The following ERC2 variants were observed in gnomAD, a reference collection of about 807,000 sequenced individuals.
The protein encoded by ERC2 is ERC protein 2.
A neutral mutation model predicts 114.8 loss-of-function variants in ERC2; 42 were observed. That is an observed-to-expected ratio of 0.37 (90% CI 0.29 to 0.47). ERC2 has a LOEUF of 0.47. Ranked by LOEUF, ERC2 falls within the 20% of genes least tolerant of loss-of-function variation. The pLI, the probability that ERC2 is intolerant of heterozygous loss-of-function variation, is 0.99. For missense variants in ERC2, 939 were observed against 1,150.7 expected (o/e 0.82, Z 2.66); for synonymous variants, 454 against 425.5 (o/e 1.07, Z -0.82).
chr3:56,192,664 A>C (rs1490681824), intron 3 of ERC2, among the ~76,000 whole-genome samples: 6 of 152,302 alleles, frequency 3.9e-5, no homozygotes, highest in Admixed American at 3.9e-4. Flanking sequence ...GCTGGGACCC[A>C]GGCAGGAGTG....
Position 56,174,396 on chromosome 3 carries a change from G to A in ERC2, c.1075-876C>T, listed in dbSNP as rs960190991. 2.6e-5 allele frequency among the ~76,000 whole-genome samples: 4 copies of A among 152,200 alleles called. No homozygotes were observed. In the East Asian group the frequency reaches 7.7e-4, roughly 29 times the overall value. ...CTTAACTATCAACAGTTTTAGGAGA[G>A]TGAGCAATGGCAGGAGTAATCAAAA... On this transcript the variant is annotated intron_variant, in intron 3 of 17. Transcript: ENST00000288221.
At chr3:55,734,988 G>A (rs138872625) in intron 14 of ERC2, 70 bp from the exon 15 acceptor site, 1 of 1,419,380 alleles carries the variant, frequency 7.0e-7, no homozygotes, top group African/African-American at 1.4e-5. Context: ...GGCATTTATA[G>A]TTGAAATGAA....
At chr3:55,524,306 G>A (rs2053162835) in intron 17 of ERC2, among the ~76,000 whole-genome samples, 1 of 152,128 alleles carries the variant, frequency 6.6e-6, no homozygotes, top group South Asian at 2.1e-4. Context: ...AAAGATGTGT[G>A]CACAGTAAAG....
At chr3:55,529,459 G>A (rs192351097) in intron 17 of ERC2, among the ~76,000 whole-genome samples, 28 of 152,288 alleles carry the variant, frequency 1.8e-4, no homozygotes, top group African/African-American at 6.5e-4. Flanking sequence ...AAACTTCAAA[G>A]TTGTATTGCA....
intron 14 of ERC2, among the ~76,000 whole-genome samples, chr3:55,839,094 G>GA (rs983227233): frequency 9.9e-5 from 15 of 151,384 alleles, no homozygotes; most frequent in Non-Finnish European, 7.4e-5. Flanking sequence ...AAAGGAGTCA[G>GA]AAAAAAACTT....
intron 12 of ERC2, among the ~76,000 whole-genome samples, chr3:55,958,879 T>TG (rs1337053894): frequency 1.3e-5 from 2 of 152,144 alleles, no homozygotes; most frequent in African/African-American, 4.8e-5. Context: ...CAGGGATGCA[T>TG]GGGCCCAGAG....
chr3:55,682,442 CG>C (rs1160808789), intron 17 of ERC2, among the ~76,000 whole-genome samples: 76 of 152,122 alleles, frequency 5.0e-4, no homozygotes, highest in African/African-American at 1.7e-3. Context: ...AGAAAGATGT[CG>C]TACCTGAAAA....
At chr3:55,955,819 A>G (rs2067913176) in intron 12 of ERC2, among the ~76,000 whole-genome samples, 1 of 152,246 alleles carries the variant, frequency 6.6e-6, no homozygotes, top group African/African-American at 2.4e-5. Context: ...TTTCTCAGCC[A>G]TATGAATCTT....
intron 2 of ERC2, among the ~76,000 whole-genome samples, chr3:56,320,232 T>C (rs2057065513): frequency 6.6e-6 from 1 of 152,088 alleles, no homozygotes; most frequent in Non-Finnish European, 1.5e-5. Flanking sequence ...AAGAAACAGG[T>C]TAACTACAAA....
At chr3:55,682,158 C>T (rs1162523578) in intron 17 of ERC2, among the ~76,000 whole-genome samples, 2 of 152,286 alleles carry the variant, frequency 1.3e-5, no homozygotes, top group African/African-American at 4.8e-5. Context: ...CTTTTATTAG[C>T]TTTTCTCTGT....
At chr3:55,528,565 C>T (rs1475952675) in intron 17 of ERC2, among the ~76,000 whole-genome samples, 1 of 152,186 alleles carries the variant, frequency 6.6e-6, no homozygotes, top group African/African-American at 2.4e-5. Context: ...TCTCACAAGG[C>T]AGGCATAATA....
intron 13 of ERC2, among the ~76,000 whole-genome samples, chr3:55,933,442 A>T (rs1281941018): frequency 1.3e-5 from 2 of 152,260 alleles, no homozygotes; most frequent in Non-Finnish European, 2.9e-5. Context: ...GAGAAGAAAG[A>T]ATAACGATAC....
chr3:55,578,046 C>A (rs1400083318), intron 17 of ERC2, among the ~76,000 whole-genome samples: 3 of 152,202 alleles, frequency 2.0e-5, no homozygotes, highest in Non-Finnish European at 4.4e-5. Flanking sequence ...AGGCTCTAAA[C>A]AAGGCAGGAT....
intron 10 of ERC2, among the ~76,000 whole-genome samples, chr3:55,994,207 G>GA (rs5849121): frequency 0.94 from 143,230 of 152,172 alleles, 67,640 homozygotes; most frequent in East Asian, 1. Flanking sequence ...AAGAATTAAT[G>GA]ACTGAGTAAT....
At chr3:55,621,820 T>C (rs2059341312) in intron 17 of ERC2, among the ~76,000 whole-genome samples, 1 of 151,586 alleles carries the variant, frequency 6.6e-6, no homozygotes, top group Non-Finnish European at 1.5e-5. Context: ...AACAAAGGCG[T>C]GGATTGGAGG....
In ERC2 at chr3:55,911,799, A is replaced by C. The variant is rs1433563599; in HGVS notation, c.2404-23250T>G. Among the ~76,000 whole-genome samples, 4 of 152,260 alleles carry C rather than the reference A, an allele frequency of 2.6e-5. No homozygotes were observed. The East Asian group carries it at 7.7e-4, about 29-fold the overall frequency. ...CCACTAGGGACTTAAAGTAGCAAAT[A>C]TCATAAGTCATAATGCCACATTCAT... On this transcript the variant is annotated intron_variant, in intron 13 of 17. Transcript: ENST00000288221.
At chr3:56,318,085 T>C in intron 2 of ERC2, among the ~76,000 whole-genome samples, 1 of 152,234 alleles carries the variant, frequency 6.6e-6, no homozygotes, top group Middle Eastern at 3.2e-3. Flanking sequence ...GTTTAATAAA[T>C]GTTTTTTGAG....
intron 2 of ERC2, among the ~76,000 whole-genome samples, chr3:56,341,601 C>G (rs927010362): frequency 6.6e-6 from 1 of 150,842 alleles, no homozygotes; most frequent in African/African-American, 2.4e-5. Context: ...AAAAAAAAAA[C>G]TAAAAGAAAA....
chr3:55,956,522 T>C (rs1221399130), intron 12 of ERC2, among the ~76,000 whole-genome samples: 1 of 152,012 alleles, frequency 6.6e-6, no homozygotes, highest in Admixed American at 6.5e-5. Context: ...ATAAATATTC[T>C]AAGGATTTTT....
Sources: gnomAD v4.1 joint callset for allele counts (sites outside exome capture counted in the v4.1 genomes callset) on GRCh38, gnomAD v4.1.1 for gene constraint, MANE v1.5 for transcripts, NCBI Gene and HGNC (gene_info 2026-07-23, HGNC 2026-07-21) for gene names.